The following GRIK4 variants were observed in gnomAD, a reference collection of about 807,000 sequenced individuals.
GRIK4 encodes the protein glutamate receptor ionotropic, kainate 4.
In GRIK4, 40 loss-of-function variants were observed where a neutral mutation model predicts 104.9. The ratio of observed to expected loss-of-function variants is 0.38; its 90% CI spans 0.30 to 0.50. The LOEUF (loss-of-function observed/expected upper bound fraction) is 0.50, where lower values mean the gene tolerates loss of function less well. GRIK4 is among the 20% of genes least tolerant of loss of function. GRIK4 has a pLI of 0.93. For synonymous variants in GRIK4, 485 were observed against 524.9 expected, an observed-to-expected ratio of 0.92 and a Z score of 1.04; for missense variants, 1,047 against 1,308.1, an observed-to-expected ratio of 0.80 and a Z score of 3.08.
At chr11:120,955,621 T>C (rs909974973) in intron 15 of GRIK4, among the ~76,000 whole-genome samples, 1 of 152,114 alleles carries the variant, frequency 6.6e-6, no homozygotes, top group Non-Finnish European at 1.5e-5. Flanking sequence ...GAGACGCCAG[T>C]GGTGAGGCTG....
chr11:120,605,554 T>C (rs1333699372), intron 1 of GRIK4, among the ~76,000 whole-genome samples: 2 of 152,248 alleles, frequency 1.3e-5, no homozygotes, highest in African/African-American at 4.8e-5. Flanking sequence ...CTGTTGTCCA[T>C]GGCTTTTGCT....
At chr11:120,676,149 C>T (rs1175483610) in intron 3 of GRIK4, among the ~76,000 whole-genome samples, 2 of 152,178 alleles carry the variant, frequency 1.3e-5, no homozygotes, top group African/African-American at 4.8e-5. Flanking sequence ...CATCCCCTGG[C>T]TCCATTTTCC....
intron 1 of GRIK4, among the ~76,000 whole-genome samples, chr11:120,643,700 C>T (rs1949501581): frequency 1.3e-5 from 2 of 152,202 alleles, no homozygotes; most frequent in African/African-American, 4.8e-5. Flanking sequence ...GTTTCCGGCT[C>T]TTCATCTTTG....
At chr11:120,718,665 T>G (rs981185993) in intron 3 of GRIK4, among the ~76,000 whole-genome samples, 4 of 152,212 alleles carry the variant, frequency 2.6e-5, no homozygotes, top group Non-Finnish European at 4.4e-5. Context: ...GCAAGGCACT[T>G]TCATATCCAA....
At chr11:120,850,819 T>C (rs1294574691) in intron 8 of GRIK4, among the ~76,000 whole-genome samples, 3 of 148,904 alleles carry the variant, frequency 2.0e-5, no homozygotes, top group African/African-American at 7.3e-5. Context: ...ATTATTATTA[T>C]TATTATTATT....
At chr11:120,830,254 G>A (rs1187385067) in intron 6 of GRIK4, among the ~76,000 whole-genome samples, 5 of 151,140 alleles carry the variant, frequency 3.3e-5, no homozygotes, top group Non-Finnish European at 4.4e-5. Flanking sequence ...CCTGAGACAC[G>A]TGTCTCTGGA....
At chr11:120,893,516 T>TA (rs776019293) in intron 11 of GRIK4, among the ~76,000 whole-genome samples, 2 of 152,190 alleles carry the variant, frequency 1.3e-5, no homozygotes, top group African/African-American at 2.4e-5. Flanking sequence ...GTTAGGTAAA[T>TA]TATTAACTTA....
intron 2 of GRIK4, among the ~76,000 whole-genome samples, chr11:120,655,393 G>A (rs537244279): frequency 6.6e-5 from 10 of 152,200 alleles, no homozygotes; most frequent in East Asian, 3.9e-4. Flanking sequence ...ATCAGGTGCC[G>A]TAGGGTACAG....
chr11:120,798,062 C>T (rs1002132798), intron 3 of GRIK4, among the ~76,000 whole-genome samples: 107 of 151,550 alleles, frequency 7.1e-4, no homozygotes, highest in Non-Finnish European at 1.0e-3. Flanking sequence ...TCAGGCAATT[C>T]GCTTCCTGTT....
chr11:120,668,113 A>G (rs1032583394), intron 3 of GRIK4, among the ~76,000 whole-genome samples: 7 of 144,794 alleles, frequency 4.8e-5, no homozygotes, highest in Non-Finnish European at 9.2e-5. Flanking sequence ...ATAGATAGAT[A>G]GATAGATAGA....
At chr11:120,692,717 GT>G (rs1170630539) in intron 3 of GRIK4, among the ~76,000 whole-genome samples, 1 of 152,122 alleles carries the variant, frequency 6.6e-6, no homozygotes, top group East Asian at 1.9e-4. Flanking sequence ...CTTGAACTTT[GT>G]TTTGGAGAAA....
At chr11:120,964,015 T>C (rs1049755632) in intron 18 of GRIK4, among the ~76,000 whole-genome samples, 19 of 151,398 alleles carry the variant, frequency 1.3e-4, no homozygotes, top group Admixed American at 6.6e-5. Flanking sequence ...ATTTTTGAGA[T>C]GGAGCCTCAC....
At chr11:120,785,512 T>G (rs893660330) in intron 3 of GRIK4, among the ~76,000 whole-genome samples, 6 of 152,240 alleles carry the variant, frequency 3.9e-5, no homozygotes, top group African/African-American at 1.2e-4. Context: ...GGGACTTTAC[T>G]CATACATTTT....
intron 3 of GRIK4, among the ~76,000 whole-genome samples, chr11:120,745,188 G>T (rs1157758577): frequency 2.0e-5 from 3 of 152,206 alleles, no homozygotes. Flanking sequence ...GACAGAGGAG[G>T]TGACTCCGGC....
At position 120,925,506 on chromosome 11, in the gene GRIK4, G is replaced by A. The variant is rs187467280; in HGVS notation, c.1477-14841G>A. 8.5e-5 allele frequency among the ~76,000 whole-genome samples: 13 copies of A among 152,308 alleles called. No homozygotes were observed. The East Asian group carries it at 1.4e-3, about 16-fold the overall frequency. ...CCATGTGGACCAGTTAGCTTTGCCC[G>A]TTGTCAGCGACCCAGAGCTTAACCA... On this transcript the variant is annotated intron_variant, in intron 13 of 20. Coordinates refer to ENST00000527524, the MANE Select transcript of GRIK4 (RefSeq NM_014619.5).
At chr11:120,820,637 A>G (rs987573991) in intron 6 of GRIK4, among the ~76,000 whole-genome samples, 1 of 152,154 alleles carries the variant, frequency 6.6e-6, no homozygotes, top group Non-Finnish European at 1.5e-5. Context: ...GCTGGAACCC[A>G]GTGCCTGAGC....
chr11:120,862,201 ATCT>A, intron 9 of GRIK4, 81 bp downstream of exon 9: 1 of 1,225,958 alleles, frequency 8.2e-7, no homozygotes, highest in Non-Finnish European at 1.2e-6. Flanking sequence ...TGGGCAACAC[ATCT>A]TCTTGGAGTC....
intron 3 of GRIK4, among the ~76,000 whole-genome samples, chr11:120,668,949 T>TA: frequency 6.6e-6 from 1 of 152,354 alleles, no homozygotes; most frequent in Non-Finnish European, 1.5e-5. Context: ...CAGTAAGTGC[T>TA]ATGAAAGTGA....
chr11:120,738,669 G>A (rs1271527691), intron 3 of GRIK4, among the ~76,000 whole-genome samples: 1 of 152,224 alleles, frequency 6.6e-6, no homozygotes, highest in Non-Finnish European at 1.5e-5. Context: ...TGAAGGGCAG[G>A]AGGCACCATG....
Sources: allele counts gnomAD v4.1 joint callset (sites outside exome capture counted in the v4.1 genomes callset), GRCh38; gene constraint gnomAD v4.1.1; transcripts MANE v1.5; gene names NCBI Gene and HGNC (gene_info 2026-07-23, HGNC 2026-07-21).